LRRTM1: variants seen among roughly 807,000 people sequenced by gnomAD.
LRRTM1 encodes the protein leucine rich repeat transmembrane neuronal 1.
Under a neutral mutation model 37.3 loss-of-function variants are expected in LRRTM1, and 8 were observed. The ratio of observed to expected loss-of-function variants is 0.21; its 90% confidence interval spans 0.13 to 0.39. The LOEUF is 0.39. LRRTM1 is among the 10% of genes least tolerant of loss of function. The pLI, the probability that LRRTM1 is intolerant of heterozygous loss-of-function variation, is 1.00. For missense variants in LRRTM1, 557 were observed against 691.0 expected (o/e 0.81, Z 2.17); for synonymous variants, 326 against 316.8 (o/e 1.03, Z -0.31).
chr2:80,290,829 G>A (rs1248141275), intron 2 of LRRTM1, among the ~76,000 whole-genome samples: 1 of 152,038 alleles, frequency 6.6e-6, no homozygotes, highest in Non-Finnish European at 1.5e-5. Flanking sequence ...AAGGAAGGAT[G>A]GAGGGAGGGA....
Position 80,302,788 on chromosome 2 carries a change from G to A in LRRTM1, c.1032C>T (p.Ser344=). The A allele has an allele frequency of 1.2e-6, 2 of 1,613,550 alleles. No homozygotes were observed. Among genetic ancestry groups the A allele is most frequent in the South Asian group, 1.1e-5 (1 of 91,048 alleles). Residue 344 remains serine (S), a synonymous_variant, in exon 2 of 2, where the codon AGC becomes AGT. Coordinates refer to ENST00000295057, the MANE Select transcript of LRRTM1 (RefSeq NM_178839.5). The surrounding 1 kb of genome is among the most constrained non-coding windows in gnomAD (Gnocchi z 6.4). ...CGTCCTCGCCCTGTGCGTACTCCGG[G>A]CTGGCGCACTGCAAGTTGCCATCGT... ...GRYDGNLQCA[S]PEYAQGEDVL...
In LRRTM1 at chr2:80,303,193, A is replaced by T. The variant is rs1676533046; in HGVS notation, c.627T>A (p.Phe209Leu). 1 of 1,613,976 alleles carries T rather than the reference A, an allele frequency of 6.2e-7. No individual in the cohort carries two copies. The highest frequency in any genetic ancestry group is 1.3e-5 in the African/African-American group (1 of 75,018). ...GCTCGAGGTGCAGCTCGGTGAGCTT[A>T]AACAAGCCGGCGAAAGAGTTGCGCG... The part of the protein sequence containing the change: ...SLARNSFAGL[F>L]KLTELHLEHN... The change falls in exon 2 of 2, where the codon TTT becomes TTA. Residue 209 changes from phenylalanine (F) to leucine (L), a missense_variant. Coordinates refer to ENST00000295057, the MANE Select transcript of LRRTM1 (RefSeq NM_178839.5). The surrounding 1 kb of genome is among the most constrained non-coding windows in gnomAD (Gnocchi z 7.7).
downstream of LRRTM1, among the ~76,000 whole-genome samples, chr2:80,301,688 T>G (rs2149205115): frequency 6.6e-6 from 1 of 152,284 alleles, no homozygotes; most frequent in South Asian, 2.1e-4. Flanking sequence ...TGGAGTAAAT[T>G]AACATAAATC....
downstream of LRRTM1, chr2:80,298,275 A>G (rs1431589026): frequency 6.6e-6 from 1 of 152,208 alleles, no homozygotes; most frequent in Non-Finnish European, 1.5e-5. Flanking sequence ...TGTCAATGGC[A>G]GACCCAAATC....
chr2:80,288,907 T>G (rs929054395), exon 3 of LRRTM1: 1 of 152,272 alleles, frequency 6.6e-6, no homozygotes, highest in African/African-American at 2.4e-5. Context: ...TGGATTTTGC[T>G]GCAGTTCAGT....
intron 2 of LRRTM1, among the ~76,000 whole-genome samples, chr2:80,295,555 C>T (rs750424721): frequency 7.2e-5 from 11 of 152,196 alleles, no homozygotes; most frequent in Non-Finnish European, 1.3e-4. Flanking sequence ...GGTTAAGTGA[C>T]ACTCTCTTGA....
At chr2:80,293,543 G>T (rs1427233380) in intron 2 of LRRTM1, among the ~76,000 whole-genome samples, 1 of 152,182 alleles carries the variant, frequency 6.6e-6, no homozygotes, top group Non-Finnish European at 1.5e-5. Flanking sequence ...GCATTCACTT[G>T]TGTTGTTTCA....
Position 80,302,172 on chromosome 2 carries a change from C to A in LRRTM1, c.*79G>T. The A allele has an allele frequency of 1.3e-6, 2 of 1,540,954 alleles. No individual in the cohort carries two copies. The highest frequency in any genetic ancestry group is 1.8e-6 in the Non-Finnish European group (2 of 1,142,056). On this transcript the variant is annotated 3_prime_UTR_variant, in exon 2 of 2. Coordinates refer to ENST00000295057, the MANE Select transcript of LRRTM1 (RefSeq NM_178839.5). The surrounding 1 kb of genome is among the most constrained non-coding windows in gnomAD (Gnocchi z 6.4). ...GCATATCAGAGCACAGACAAGGAGA[C>A]CCCAGCCTGGTGCCCGCCGGCCCGT...
Position 80,303,630 on chromosome 2 carries a change from G to C in LRRTM1, c.190C>G (p.Leu64Val), listed in dbSNP as rs201216009. Residue 64 changes from leucine to valine, a missense_variant, in exon 2 of 2, where the codon CTG becomes GTG. By Grantham distance (32) the Leu-to-Val change is conservative. This residue lies in a region of LRRTM1 where 140 missense variants were observed against 138.1 expected (regional missense o/e 1.01). Coordinates refer to ENST00000295057, the MANE Select transcript of LRRTM1 (RefSeq NM_178839.5). The surrounding 1 kb of genome is among the most constrained non-coding windows in gnomAD (Gnocchi z 7.7). ...ALNLTEAPHNLSGLLGLSLRY... is the reference protein window; with the variant it reads ...ALNLTEAPHNVSGLLGLSLRY... ...AGGGACAAGCCCAGCAGGCCGGACA[G>C]GTTGTGGGGCGCCTCGGTGAGGTTG... is the stretch of plus-strand genomic sequence containing the variant. The C allele has an allele frequency of 3.1e-6, 5 of 1,613,820 alleles. No individual in the cohort carries two copies. The highest frequency in any genetic ancestry group is 4.2e-6 in the Non-Finnish European group (5 of 1,179,796).
At chr2:80,301,266 C>T (rs1473201865), downstream of LRRTM1, among the ~76,000 whole-genome samples, 2 of 152,236 alleles carry the variant, frequency 1.3e-5, no homozygotes, top group Non-Finnish European at 2.9e-5. Context: ...TCCAGAAGCA[C>T]AGCTTTCAGC....
At chr2:80,293,359 C>T (rs1216091232) in intron 2 of LRRTM1, among the ~76,000 whole-genome samples, 1 of 152,192 alleles carries the variant, frequency 6.6e-6, no homozygotes, top group African/African-American at 2.4e-5. Context: ...ACATAGTTTG[C>T]AATATTGAGA....
chr2:80,298,889 T>C (rs985668060), downstream of LRRTM1: 1 of 152,218 alleles, frequency 6.6e-6, no homozygotes, highest in Non-Finnish European at 1.5e-5. Flanking sequence ...GGACTGCCTA[T>C]TTTTTCTGAG....
intron 2 of LRRTM1, among the ~76,000 whole-genome samples, chr2:80,290,464 A>T (rs1403767253): frequency 6.6e-6 from 1 of 151,976 alleles, no homozygotes; most frequent in Non-Finnish European, 1.5e-5. Flanking sequence ...CACCATGGTG[A>T]GGTTGGTGAG....
intron 2 of LRRTM1, among the ~76,000 whole-genome samples, chr2:80,293,490 T>C (rs1448706827): frequency 6.6e-6 from 1 of 152,256 alleles, no homozygotes; most frequent in Admixed American, 6.5e-5. Flanking sequence ...CTGGCTTTAC[T>C]TTAAGCCCCA....
rs1233119065 is a variant in LRRTM1 at position 80,302,506 on chromosome 2, G to A, written c.1314C>T (p.Ser438=). Residue 438 remains serine (S), a synonymous_variant, in exon 2 of 2, where the codon TCC becomes TCT. Coordinates refer to ENST00000295057, the MANE Select transcript of LRRTM1 (RefSeq NM_178839.5). The surrounding 1 kb of genome is among the most constrained non-coding windows in gnomAD (Gnocchi z 6.4). ...VVTGTMALIF[S]FLIVVLVLYV... is the part of the protein sequence containing the mutation. ...AGAGCACCAGGACCACGATGAGGAA[G>A]GAGAAGATGAGGGCCATGGTGCCCG... 6.2e-7 allele frequency: 1 copy of A among 1,613,416 alleles called. No homozygotes were observed. The highest frequency in any genetic ancestry group is 8.5e-7 in the Non-Finnish European group (1 of 1,180,030).
At chr2:80,301,254 G>A (rs1459814831), downstream of LRRTM1, among the ~76,000 whole-genome samples, 1 of 152,164 alleles carries the variant, frequency 6.6e-6, no homozygotes, top group Non-Finnish European at 1.5e-5. Context: ...TTAGCAATGT[G>A]CTCCAGAAGC....
chr2:80,294,653 T>C (rs1675581577), intron 2 of LRRTM1, among the ~76,000 whole-genome samples: 1 of 152,056 alleles, frequency 6.6e-6, no homozygotes, highest in African/African-American at 2.4e-5. Context: ...ATAATAATAA[T>C]AATAAAAATA....
At position 80,293,126 on chromosome 2, in the gene LRRTM1, G is replaced by A. The variant is rs11677664; in HGVS notation, c.*307-3931C>T. 2.9e-3 allele frequency among the ~76,000 whole-genome samples: 447 copies of A among 152,344 alleles called. 1 individual carries two copies. The highest frequency in any genetic ancestry group is 5.2e-3 in the Non-Finnish European group (351 of 68,030). ...GCAATCACTATGGAGCAGAGACAGT[G>A]AGGCAAAATAACAGAGTGAGTGGTT... On this transcript the variant is annotated intron_variant and NMD_transcript_variant, in intron 2 of 2. Transcript: ENST00000417012.
In LRRTM1 at chr2:80,302,166, A is replaced by G. The variant is rs1676382199; in HGVS notation, c.*85T>C. On this transcript the variant is annotated 3_prime_UTR_variant, in exon 2 of 2. Transcript: ENST00000295057. This position sits in a 1 kb window ranked among gnomAD's most constrained non-coding sequence, Gnocchi z 6.4. Reference sequence around the variant, plus strand: ...CAAGGAGCATATCAGAGCACAGACAAGGAGACCCCAGCCTGGTGCCCGCCG... The same window carrying G: ...CAAGGAGCATATCAGAGCACAGACAGGGAGACCCCAGCCTGGTGCCCGCCG... 1 of 1,517,102 alleles carries G rather than the reference A, an allele frequency of 6.6e-7. No homozygotes were observed. The highest frequency in any genetic ancestry group is 1.4e-5 in the African/African-American group (1 of 72,664). 94.0% of individuals were successfully genotyped at this position (1,517,102 alleles called of 1,614,324 possible). A position where few individuals can be genotyped will look rare whatever the true frequency, so the allele number is the denominator to read the frequency against.
Sources: gnomAD v4.1 joint callset for allele counts (sites outside exome capture counted in the v4.1 genomes callset) on GRCh38, gnomAD v4.1.1 for gene constraint, gnomAD v4.1.1 regional missense constraint, Gnocchi (gnomAD v3.1) non-coding constraint, MANE v1.5 for transcripts, NCBI Gene and HGNC (gene_info 2026-07-23, HGNC 2026-07-21) for gene names.